NAF1: variants seen among roughly 807,000 people sequenced by gnomAD.
NAF1 encodes H/ACA ribonucleoprotein complex non-core subunit NAF1.
A neutral mutation model predicts 40.6 loss-of-function variants in NAF1; 11 were observed. That is an observed-to-expected ratio of 0.27 (90% CI 0.17 to 0.45). NAF1 has a LOEUF of 0.45. Among genes scored for constraint, NAF1 ranks in the 20% least tolerant of loss-of-function variants. The probability of loss-of-function intolerance (pLI) is 1.00; values close to 1 mark genes in which losing one functional copy is unlikely to be tolerated. For missense variants in NAF1, 607 were observed against 611.1 expected (o/e 0.99, Z 0.07); for synonymous variants, 260 against 228.5 (o/e 1.14, Z -1.24).
At chr4:163,160,860 A>G (rs1358274141) in intron 2 of NAF1, among the ~76,000 whole-genome samples, 2 of 152,136 alleles carry the variant, frequency 1.3e-5, no homozygotes, top group Non-Finnish European at 2.9e-5. Context: ...AATAGACCAC[A>G]TAGAGCTTGA....
chr4:163,115,232 A>G (rs1343640010), intron 2 of NAF1, among the ~76,000 whole-genome samples: 3 of 121,914 alleles, frequency 2.5e-5, no homozygotes, highest in Admixed American at 1.0e-4. Context: ...TTTTTGAGAC[A>G]GAGTCTCGCT....
At chr4:163,145,183 C>G (rs1000648446) in intron 4 of NAF1, among the ~76,000 whole-genome samples, 13 of 152,174 alleles carry the variant, frequency 8.5e-5, no homozygotes, top group Middle Eastern at 3.2e-3. Context: ...CAGTTTTCTA[C>G]ATTAAGGTGG....
At chr4:163,141,317 T>C (rs1053280132) in intron 4 of NAF1, among the ~76,000 whole-genome samples, 7 of 152,306 alleles carry the variant, frequency 4.6e-5, no homozygotes, top group African/African-American at 1.7e-4. Context: ...TGAACCGAGA[T>C]TGTGCCATCG....
At chr4:163,165,145 C>G (rs1047766972) in intron 1 of NAF1, among the ~76,000 whole-genome samples, 1 of 152,212 alleles carries the variant, frequency 6.6e-6, no homozygotes, top group Non-Finnish European at 1.5e-5. Context: ...TGACGGCATA[C>G]TGGCCACCTT....
intron 5 of NAF1, among the ~76,000 whole-genome samples, chr4:163,139,600 C>T (rs920798695): frequency 2.8e-4 from 43 of 152,174 alleles, no homozygotes; most frequent in Non-Finnish European, 5.6e-4. Context: ...CCAATGGGAG[C>T]ACAAATATAA....
chr4:163,153,658 A>G (rs912982465), intron 2 of NAF1, among the ~76,000 whole-genome samples: 6 of 152,138 alleles, frequency 3.9e-5, no homozygotes, highest in African/African-American at 1.4e-4. Context: ...TCTGATGGGG[A>G]CATGGAGAAC....
At chr4:163,106,031 T>C (rs963729589), downstream of NAF1, among the ~76,000 whole-genome samples, 1 of 152,196 alleles carries the variant, frequency 6.6e-6, no homozygotes, top group Non-Finnish European at 1.5e-5. Flanking sequence ...ATTAGTCTAA[T>C]CATTTAAAGG....
chr4:163,164,178 A>G, intron 2 of NAF1, 39 bp downstream of exon 2: 1 of 1,464,912 alleles, frequency 6.8e-7, no homozygotes, highest in Non-Finnish European at 9.0e-7. Context: ...AATACGTTTT[A>G]AAACATGCAA....
At chr4:163,107,310 T>C (rs138150567), downstream of NAF1, among the ~76,000 whole-genome samples, 460 of 152,274 alleles carry the variant, frequency 3.0e-3, 1 homozygote, top group African/African-American at 1.0e-2. Context: ...GCTACTTACG[T>C]CATTTTGCTA....
intron 3 of NAF1, 142 bp from the exon 4 acceptor site, chr4:163,146,006 A>G: frequency 7.8e-6 from 4 of 514,936 alleles, no homozygotes; most frequent in South Asian, 3.1e-5. Flanking sequence ...TCTCTTCAGT[A>G]AACAAAGTCT....
intron 2 of NAF1, among the ~76,000 whole-genome samples, chr4:163,112,510 C>A (rs1730193516): frequency 6.6e-6 from 1 of 152,114 alleles, no homozygotes; most frequent in Non-Finnish European, 1.5e-5. Flanking sequence ...AAAGCTTAAC[C>A]AACCCAAAGA....
chr4:163,121,676 ATTC>A (rs1012870434), intron 2 of NAF1, among the ~76,000 whole-genome samples: 1 of 152,182 alleles, frequency 6.6e-6, no homozygotes, highest in Non-Finnish European at 1.5e-5. Flanking sequence ...TTAGTTTTTA[ATTC>A]TTTTTTTAAG....
chr4:163,104,213 C>T, the NAF1 span, among the ~76,000 whole-genome samples: 6 of 152,220 alleles, frequency 3.9e-5, no homozygotes, highest in East Asian at 7.7e-4. Flanking sequence ...AGGCAGGAAC[C>T]GGCCGTTTCC....
chr4:163,158,869 C>T (rs1342331098), intron 2 of NAF1, among the ~76,000 whole-genome samples: 2 of 151,976 alleles, frequency 1.3e-5, no homozygotes, highest in Non-Finnish European at 1.5e-5. Context: ...TTCAGAAATC[C>T]TTATTACCTC....
chr4:163,118,623 C>T (rs1730422778), intron 2 of NAF1, among the ~76,000 whole-genome samples: 1 of 152,128 alleles, frequency 6.6e-6, no homozygotes, highest in African/African-American at 2.4e-5. Flanking sequence ...CGTGGTGGCA[C>T]ATGCCTGTAG....
exon 3 of NAF1, chr4:163,110,112 G>A (rs1730115605): frequency 1.9e-6 from 1 of 530,106 alleles, no homozygotes; most frequent in African/African-American, 1.9e-5. Context: ...TACAGTACTT[G>A]AAATCTGTGG....
chr4:163,124,861 C>T (rs950932851), downstream of NAF1, among the ~76,000 whole-genome samples: 1 of 152,152 alleles, frequency 6.6e-6, no homozygotes, highest in Non-Finnish European at 1.5e-5. Context: ...TTTTACAAAT[C>T]GAAGGTTTGT....
At chr4:163,123,414 A>G (rs773611381), downstream of NAF1, among the ~76,000 whole-genome samples, 20 of 152,238 alleles carry the variant, frequency 1.3e-4, no homozygotes, top group Non-Finnish European at 2.1e-4. Flanking sequence ...TATTTCTAAT[A>G]AGTAAACAAG....
intron 2 of NAF1, among the ~76,000 whole-genome samples, chr4:163,114,461 A>C (rs1730263339): frequency 6.6e-6 from 1 of 152,242 alleles, no homozygotes; most frequent in Non-Finnish European, 1.5e-5. Context: ...TTTATTTTCA[A>C]GGCTTACACA....
Sources: gnomAD v4.1 joint callset for allele counts (sites outside exome capture counted in the v4.1 genomes callset) on GRCh38, gnomAD v4.1.1 for gene constraint, MANE v1.5 for transcripts, NCBI Gene and HGNC (gene_info 2026-07-23, HGNC 2026-07-21) for gene names.